The following PCDHGB3 variants were observed in gnomAD, a reference collection of about 807,000 sequenced individuals.
PCDHGB3 encodes the protein protocadherin gamma subfamily B, 3.
Under a neutral mutation model 59.2 loss-of-function variants are expected in PCDHGB3, and 40 were observed. The observed-to-expected ratio is 0.68, with a 90% CI of 0.52 to 0.88. The LOEUF is 0.88. Ranked by LOEUF, PCDHGB3 falls within the 40% of genes least tolerant of loss-of-function variation. The pLI, the probability that PCDHGB3 is intolerant of heterozygous loss-of-function variation, is 0.00. For missense variants in PCDHGB3, 1,309 were observed against 1,187.9 expected (o/e 1.10, Z -1.50); for synonymous variants, 581 against 503.6 (o/e 1.15, Z -2.06).
chr5:141,494,198 C>T (rs1383940298), intron 1 of PCDHGB3, among the ~76,000 whole-genome samples: 8 of 152,158 alleles, frequency 5.3e-5, no homozygotes, highest in African/African-American at 1.7e-4. Context: ...TTGGATGCCC[C>T]GCAAAGGCCC....
chr5:141,371,220 G>T lies in PCDHGB3; in HGVS notation c.826G>T (p.Glu276Ter). Reference sequence around the variant, plus strand: ...TGACATGGATGAGGGCATCAATGCCGAAATCATCTATGCCTTCATCAATAT... The same window carrying T: ...TGACATGGATGAGGGCATCAATGCCTAAATCATCTATGCCTTCATCAATAT... ...AIDMDEGINA[E>*]IIYAFINIGK... The change falls in exon 1 of 4, where the codon GAA becomes TAA. Residue 276 changes from glutamate to a stop codon, truncating the protein, a stop_gained. Transcript: ENST00000576222. LOFTEE classifies it high-confidence loss of function. The T allele has an allele frequency of 1.2e-6, 2 of 1,613,994 alleles. No homozygotes were observed. Among genetic ancestry groups the T allele is most frequent in the Non-Finnish European group, 1.7e-6 (2 of 1,179,870 alleles).
rs1182148013 is a variant in PCDHGB3, at chr5:141,431,510, G to C, written c.2415+58701G>C. On this transcript the variant is annotated intron_variant, in intron 1 of 3. Transcript: ENST00000576222. This position sits in a 1 kb window ranked among gnomAD's most constrained non-coding sequence, Gnocchi z 4.8. ...TGCTCAGCCCGAGTACCGCGCGAGC[G>C]TTCCGGAGAATCTGGCCTTGGGCAC... 6.2e-7 allele frequency: 1 copy of C among 1,614,022 alleles called. No homozygotes were observed. The highest frequency in any genetic ancestry group is 8.5e-7 in the Non-Finnish European group (1 of 1,180,026).
intron 1 of PCDHGB3, chr5:141,395,513 C>T: frequency 2.4e-6 from 1 of 420,938 alleles, no homozygotes; most frequent in South Asian, 3.5e-5. Context: ...GAAGTAGCTA[C>T]CCGTCCATAC....
At chr5:141,442,089 C>A in intron 1 of PCDHGB3, 1 of 170,684 alleles carries the variant, frequency 5.9e-6, no homozygotes, top group South Asian at 1.1e-4. Context: ...CTCGCTACCG[C>A]CACGTCACCA....
intron 1 of PCDHGB3, among the ~76,000 whole-genome samples, chr5:141,488,511 G>A (rs2099676160): frequency 6.6e-6 from 1 of 152,162 alleles, no homozygotes. Context: ...CCACATTTGG[G>A]GTCTGGGGTG....
intron 1 of PCDHGB3, chr5:141,479,722 T>C (rs2099504690): frequency 6.6e-6 from 1 of 152,240 alleles, no homozygotes; most frequent in African/African-American, 2.4e-5. Context: ...CCAGCCTTAT[T>C]TTTCTTAAGT....
Position 141,371,657 on chromosome 5 carries a change from G to C in PCDHGB3, c.1263G>C (p.Thr421=), listed in dbSNP as rs761215785. Residue 421 remains threonine, a synonymous_variant, in exon 1 of 4, where the codon ACG becomes ACC. Transcript: ENST00000576222. ...DREQIPEYNV[T]ITATDKGNPP... is the part of the protein sequence containing the mutation. ...AGCAGATCCCAGAATACAATGTGAC[G>C]ATCACAGCTACCGACAAAGGCAATC... 3.1e-6 allele frequency: 5 copies of C among 1,613,870 alleles called. No homozygotes were observed. The highest frequency in any genetic ancestry group is 1.1e-5 in the South Asian group (1 of 91,082).
Position 141,430,867 on chromosome 5 carries a change from G to T in PCDHGB3, c.2415+58058G>T, listed in dbSNP as rs1157718106. ...GCACCCAGATACGCTATTCAGTTCC[G>T]GAAGAGCTGGAGAAAGGCTCTAGGG... On this transcript the variant is annotated intron_variant, in intron 1 of 3. Coordinates refer to ENST00000576222, the MANE Select transcript of PCDHGB3 (RefSeq NM_018924.5). 2.5e-6 allele frequency: 4 copies of T among 1,596,238 alleles called. No individual in the cohort carries two copies. In the East Asian group the frequency reaches 8.9e-5, roughly 36 times the overall value.
rs1009141449 is a variant in PCDHGB3, at chr5:141,491,922, G to A, written c.2416-2885G>A. 2 of 1,349,026 alleles carry A rather than the reference G, an allele frequency of 1.5e-6. No individual in the cohort carries two copies. Among genetic ancestry groups the A allele is most frequent in the African/African-American group, 1.5e-5 (1 of 67,598 alleles). The allele number at this position is 1,349,026 out of a possible 1,614,324, so 83.6% of individuals were successfully genotyped here. On this transcript the variant is annotated intron_variant, in intron 1 of 3. Coordinates refer to ENST00000576222, the MANE Select transcript of PCDHGB3 (RefSeq NM_018924.5). The surrounding 1 kb of genome is among the most constrained non-coding windows in gnomAD (Gnocchi z 6.9). ...CGGGGGTGGTGGCGACTGTGGGCGAGGGGAGGTGGGACCGACCCCCACCCC... is the reference window on the plus strand; with the variant it reads ...CGGGGGTGGTGGCGACTGTGGGCGAAGGGAGGTGGGACCGACCCCCACCCC...
At chr5:141,401,016 A>G (rs910501602) in intron 1 of PCDHGB3, among the ~76,000 whole-genome samples, 2 of 152,182 alleles carry the variant, frequency 1.3e-5, no homozygotes, top group Admixed American at 6.5e-5. Context: ...TAATGGATTT[A>G]TGATTTTTTG....
chr5:141,383,514 G>A (rs778204328), intron 1 of PCDHGB3: 2 of 1,612,718 alleles, frequency 1.2e-6, no homozygotes, highest in South Asian at 2.2e-5. Context: ...GGGAGGAAGA[G>A]CGGGTTCACC....
intron 1 of PCDHGB3, chr5:141,379,315 A>T (rs1364362567): frequency 1.3e-5 from 2 of 152,242 alleles, no homozygotes; most frequent in Non-Finnish European, 2.9e-5. Context: ...TAAACAAGAG[A>T]TCTAATCATA....
intron 1 of PCDHGB3, chr5:141,389,046 G>A: frequency 1.9e-6 from 3 of 1,613,888 alleles, no homozygotes; most frequent in African/African-American, 1.3e-5. Context: ...GGAAGGTGAT[G>A]TTCCATTTAA....
At chr5:141,409,680 C>G (rs756713114) in intron 1 of PCDHGB3, 1 of 1,613,360 alleles carries the variant, frequency 6.2e-7, no homozygotes, top group Non-Finnish European at 8.5e-7. Context: ...TCTATAGTGG[C>G]GAGTGACCTA....
At chr5:141,449,264 C>CTG (rs2098633558) in intron 1 of PCDHGB3, among the ~76,000 whole-genome samples, 1 of 152,056 alleles carries the variant, frequency 6.6e-6, no homozygotes, top group African/African-American at 2.4e-5. Context: ...GTACAAAGAA[C>CTG]TGTATCTCCT....
chr5:141,449,943 C>G (rs1561937416), intron 1 of PCDHGB3, among the ~76,000 whole-genome samples: 1 of 151,186 alleles, frequency 6.6e-6, no homozygotes, highest in African/African-American at 2.4e-5. Flanking sequence ...GTATATTTTA[C>G]TATACCTCAT....
rs73265846 is a variant in PCDHGB3, at chr5:141,370,853, C to T, written c.459C>T (p.Ala153=). 1,195 of 1,614,040 alleles carry T rather than the reference C, an allele frequency of 7.4e-4. 6 individuals carry two copies. In the African/African-American group the frequency reaches 0.014, roughly 19 times the overall value. Residue 153 remains alanine (A), a synonymous_variant, in exon 1 of 4, where the codon GCC becomes GCT. Coordinates refer to ENST00000576222, the MANE Select transcript of PCDHGB3 (RefSeq NM_018924.5). ...TGGCTCTCACTGGAGCCACATTTGC[C>T]CTGGAATCTGCGCAAGATCCTGATG... ...SELALTGATF[A]LESAQDPDVG...
chr5:141,409,749 C>T (rs1477022032), intron 1 of PCDHGB3: 4 of 1,613,030 alleles, frequency 2.5e-6, no homozygotes, highest in Admixed American at 1.7e-5. Context: ...GTGGTGTTCG[C>T]GCAGCGCGCC....
At chr5:141,497,541 T>C (rs1157403777) in intron 2 of PCDHGB3, among the ~76,000 whole-genome samples, 9 of 89,564 alleles carry the variant, frequency 1.0e-4, no homozygotes, top group Non-Finnish European at 2.1e-4. Context: ...GCAACAAACC[T>C]TTTTTTTTTT....
Sources: gnomAD v4.1 joint callset for allele counts (sites outside exome capture counted in the v4.1 genomes callset) on GRCh38, gnomAD v4.1.1 for gene constraint, Gnocchi (gnomAD v3.1) non-coding constraint, MANE v1.5 for transcripts, NCBI Gene and HGNC (gene_info 2026-07-23, HGNC 2026-07-21) for gene names.